ASAP1: variants seen among roughly 807,000 people sequenced by gnomAD.
The protein encoded by ASAP1 is ArfGAP with SH3 domain, ankyrin repeat and PH domain 1.
Under a neutral mutation model 145.2 loss-of-function variants are expected in ASAP1, and 43 were observed. That is an observed-to-expected ratio of 0.30 (90% CI 0.23 to 0.38). ASAP1 has a LOEUF of 0.38. Among genes scored for constraint, ASAP1 ranks in the 10% least tolerant of loss-of-function variants. The pLI, the probability that ASAP1 is intolerant of heterozygous loss-of-function variation, is 1.00. For missense variants in ASAP1, 1,018 were observed against 1,355.3 expected (o/e 0.75, Z 3.91); for synonymous variants, 546 against 515.5 (o/e 1.06, Z -0.80).
chr8:130,364,782 TGA>T (rs1826874101), intron 2 of ASAP1, among the ~76,000 whole-genome samples: 1 of 152,134 alleles, frequency 6.6e-6, no homozygotes, highest in African/African-American at 2.4e-5. Context: ...GAGGAGAAAC[TGA>T]GAACTTCCTC....
At chr8:130,336,520 T>C (rs1825045615) in intron 3 of ASAP1, among the ~76,000 whole-genome samples, 2 of 152,216 alleles carry the variant, frequency 1.3e-5, no homozygotes, top group Non-Finnish European at 2.9e-5. Flanking sequence ...AAGGAACTAA[T>C]ATGTGATGAA....
At position 130,161,803 on chromosome 8, in the gene ASAP1, T is replaced by C. The variant is rs571501261; in HGVS notation, c.910-1839A>G. On this transcript the variant is annotated intron_variant, in intron 11 of 29. Transcript: ENST00000518721. ...AATATTTCCTTTTAAAAAATACATA[T>C]GTATATATTTATTTTTGAGACAGGG... Among the ~76,000 whole-genome samples the C allele has an allele frequency of 1.1e-4, 16 of 152,310 alleles. No homozygotes were observed. The South Asian group carries it at 1.4e-3, about 14-fold the overall frequency.
chr8:130,410,227 G>A (rs11784638), intron 1 of ASAP1, among the ~76,000 whole-genome samples: 54,682 of 151,934 alleles, frequency 0.36, 10,481 homozygotes, highest in African/African-American at 0.47. Flanking sequence ...TAAGACCTTC[G>A]TCAAAAAACC....
At chr8:130,232,077 GC>G (rs767813985) in intron 4 of ASAP1, among the ~76,000 whole-genome samples, 129 of 152,342 alleles carry the variant, frequency 8.5e-4, no homozygotes, top group Admixed American at 2.6e-3. Context: ...CAATATGGTA[GC>G]TGGCTTCCTC....
chr8:130,310,200 C>A (rs907330053), intron 3 of ASAP1, among the ~76,000 whole-genome samples: 1 of 151,346 alleles, frequency 6.6e-6, no homozygotes, highest in Non-Finnish European at 1.5e-5. Flanking sequence ...AATGGTAGAA[C>A]AAATATGAAA....
chr8:130,309,726 G>C (rs963698977), intron 3 of ASAP1, among the ~76,000 whole-genome samples: 1 of 152,192 alleles, frequency 6.6e-6, no homozygotes, highest in African/African-American at 2.4e-5. Context: ...GGGAAAATGA[G>C]AAAACTCAAT....
intron 12 of ASAP1, 83 bp from the exon 13 acceptor site, chr8:130,152,888 A>G (rs1442017187): frequency 9.3e-7 from 1 of 1,075,894 alleles, no homozygotes; most frequent in Admixed American, 2.6e-5. Context: ...ACATAATAAT[A>G]ATTACAAAAT....
chr8:130,372,613 A>C (rs926818731), intron 2 of ASAP1, among the ~76,000 whole-genome samples: 1 of 152,250 alleles, frequency 6.6e-6, no homozygotes, highest in Admixed American at 6.5e-5. Flanking sequence ...CCACAATGAC[A>C]TAAGTGAGGA....
At chr8:130,220,482 T>C (rs1000483362) in intron 4 of ASAP1, among the ~76,000 whole-genome samples, 6 of 152,176 alleles carry the variant, frequency 3.9e-5, no homozygotes, top group Non-Finnish European at 7.4e-5. Flanking sequence ...TAAATTAGAA[T>C]ATGCCACCCC....
intron 9 of ASAP1, among the ~76,000 whole-genome samples, chr8:130,172,819 A>G (rs572285391): frequency 2.0e-5 from 3 of 152,356 alleles, no homozygotes; most frequent in Admixed American, 2.0e-4. Context: ...CACTGATAAA[A>G]ATGAAAATTC....
At chr8:130,124,423 A>C (rs1390613843) in intron 17 of ASAP1, among the ~76,000 whole-genome samples, 2 of 152,252 alleles carry the variant, frequency 1.3e-5, no homozygotes, top group Non-Finnish European at 2.9e-5. Flanking sequence ...CTGGTTCTAC[A>C]CACATATAAA....
In ASAP1 at chr8:130,118,481, G is replaced by C. The variant is rs1269594028; in HGVS notation, c.1794+8C>G. On this transcript the variant is annotated splice_region_variant and intron_variant, in intron 19 of 29. Coordinates refer to ENST00000518721, the MANE Select transcript of ASAP1 (RefSeq NM_018482.4). ...ACTTTTTATCCAATGATTTTAGTGA[G>C]GCCTTACCTGCCCAGGTTCCAGCAG... 1 of 1,597,894 alleles carries C rather than the reference G, an allele frequency of 6.3e-7. No homozygotes were observed. Among genetic ancestry groups the C allele is most frequent in the African/African-American group, 1.3e-5 (1 of 74,404 alleles).
At chr8:130,147,409 T>G (rs1477799973) in intron 13 of ASAP1, among the ~76,000 whole-genome samples, 1 of 152,156 alleles carries the variant, frequency 6.6e-6, no homozygotes, top group African/African-American at 2.4e-5. Flanking sequence ...TAGCCCCATT[T>G]TATTTAGATG....
intron 18 of ASAP1, among the ~76,000 whole-genome samples, chr8:130,123,437 C>T (rs797015092): frequency 7.2e-5 from 11 of 152,208 alleles, no homozygotes; most frequent in Admixed American, 3.9e-4. Flanking sequence ...GAGAGAACTG[C>T]CCCCATGACA....
intron 24 of ASAP1, among the ~76,000 whole-genome samples, chr8:130,108,123 T>G (rs1257794405): frequency 6.6e-6 from 1 of 152,280 alleles, no homozygotes; most frequent in Non-Finnish European, 1.5e-5. Context: ...ATTGACGCTC[T>G]CAGTATGCCA....
chr8:130,411,951 G>A (rs1199555553), intron 1 of ASAP1, among the ~76,000 whole-genome samples: 1 of 152,154 alleles, frequency 6.6e-6, no homozygotes, highest in African/African-American at 2.4e-5. Flanking sequence ...GAACCAGGAT[G>A]GAAAGGGGTC....
intron 11 of ASAP1, among the ~76,000 whole-genome samples, chr8:130,165,323 A>T (rs2097677827): frequency 6.6e-6 from 1 of 152,236 alleles, no homozygotes; most frequent in Non-Finnish European, 1.5e-5. Context: ...TTAAGTACAT[A>T]CAGTAAGTAA....
At chr8:130,401,041 C>T (rs1288226325) in intron 2 of ASAP1, among the ~76,000 whole-genome samples, 3 of 151,720 alleles carry the variant, frequency 2.0e-5, no homozygotes, top group South Asian at 2.1e-4. Context: ...CCACCACACC[C>T]GGCTAATTTT....
intron 2 of ASAP1, among the ~76,000 whole-genome samples, chr8:130,388,201 G>A (rs542272238): frequency 6.6e-6 from 1 of 152,320 alleles, no homozygotes; most frequent in African/African-American, 2.4e-5. Context: ...GGAACAGAAC[G>A]GAGGCCAATG....
Sources: allele counts gnomAD v4.1 joint callset (sites outside exome capture counted in the v4.1 genomes callset), GRCh38; gene constraint gnomAD v4.1.1; transcripts MANE v1.5; gene names NCBI Gene and HGNC (gene_info 2026-07-23, HGNC 2026-07-21).